RAD9B: variants seen among roughly 807,000 people sequenced by gnomAD.
RAD9B encodes RAD9 checkpoint clamp component B.
A neutral mutation model predicts 48.3 loss-of-function variants in RAD9B; 41 were observed. That is an observed-to-expected ratio of 0.85 (90% CI 0.66 to 1.10). The LOEUF (loss-of-function observed/expected upper bound fraction) is 1.10. Ranked by LOEUF, RAD9B falls within the 50% of genes least tolerant of loss-of-function variation. The probability of loss-of-function intolerance (pLI) is 0.00; values close to 1 mark genes in which losing one functional copy is unlikely to be tolerated. For missense variants in RAD9B, 444 were observed against 485.1 expected (o/e 0.92, Z 0.80); for synonymous variants, 160 against 157.9 (o/e 1.01, Z -0.10).
Position 110,531,702 on chromosome 12 carries a change from G to A in RAD9B, c.*1049G>A. The A allele has an allele frequency of 6.9e-7, 1 of 1,455,492 alleles. No individual in the cohort carries two copies. The highest frequency in any genetic ancestry group is 2.3e-5 in the East Asian group (1 of 43,818). The allele number at this position is 1,455,492 out of a possible 1,614,324, so 90.2% of individuals were successfully genotyped here. A position where few individuals can be genotyped will look rare whatever the true frequency, so the allele number is the denominator to read the frequency against. On this transcript the variant is annotated 3_prime_UTR_variant, in exon 11 of 11. Coordinates refer to ENST00000409300, the MANE Select transcript of RAD9B (RefSeq NM_001286535.2). ...AATAAGGTGGAAGACAAATGTCTCTGTTCTTTGGCCCTTTAAGAGTTAGCT... is the reference window on the plus strand; with the variant it reads ...AATAAGGTGGAAGACAAATGTCTCTATTCTTTGGCCCTTTAAGAGTTAGCT...
rs1237361030 is a variant in RAD9B, at chr12:110,531,647, C to T, written c.*994C>T. The stretch of plus-strand genomic sequence containing the variant: ...TTATCTGACATAGAACAGTATCCTC[C>T]ACTGCCAAGACAGCCTGAGTTTGGA... On this transcript the variant is annotated 3_prime_UTR_variant, in exon 11 of 11. Coordinates refer to ENST00000409300, the MANE Select transcript of RAD9B (RefSeq NM_001286535.2). The T allele has an allele frequency of 1.2e-5, 19 of 1,607,956 alleles. No homozygotes were observed. The highest frequency in any genetic ancestry group is 1.4e-5 in the Non-Finnish European group (17 of 1,178,052).
chr12:110,524,336 G>A (rs376341796), intron 10 of RAD9B, among the ~76,000 whole-genome samples: 1 of 152,142 alleles, frequency 6.6e-6, no homozygotes, highest in East Asian at 1.9e-4. Context: ...GCAGAGGCGG[G>A]CAGATCACGA....
At chr12:110,517,709 A>T (rs1276770677) in intron 6 of RAD9B, among the ~76,000 whole-genome samples, 2 of 151,008 alleles carry the variant, frequency 1.3e-5, no homozygotes, top group African/African-American at 4.9e-5. Context: ...TGTATCAGAG[A>T]GGTTTAATGA....
At chr12:110,511,303 T>TA in intron 4 of RAD9B, 1 of 183,592 alleles carries the variant, frequency 5.4e-6, no homozygotes, top group East Asian at 1.6e-4. Flanking sequence ...GCACCATTTA[T>TA]AATAGCAAAG....
At chr12:110,513,785 G>GTGAT (rs1423818744) in intron 5 of RAD9B, among the ~76,000 whole-genome samples, 3 of 151,202 alleles carry the variant, frequency 2.0e-5, no homozygotes, top group Non-Finnish European at 2.9e-5. Context: ...GTGCAGTGAT[G>GTGAT]TGATCTTGGC....
intron 8 of RAD9B, 21 bp from the exon 9 acceptor site, chr12:110,519,773 G>T (rs1479914354): frequency 6.3e-7 from 1 of 1,594,852 alleles, no homozygotes; most frequent in African/African-American, 1.4e-5. Flanking sequence ...TGTCACTGTT[G>T]CTCTGACTTG....
intron 9 of RAD9B, among the ~76,000 whole-genome samples, chr12:110,521,655 C>T (rs1190471173): frequency 6.7e-6 from 1 of 149,308 alleles, no homozygotes; most frequent in African/African-American, 2.5e-5. Context: ...CTCCTGGGTT[C>T]AAGCAGTTTT....
At chr12:110,502,472 T>A in intron 1 of RAD9B, 89 bp downstream of exon 1, 1 of 1,488,958 alleles carries the variant, frequency 6.7e-7, no homozygotes, top group Non-Finnish European at 9.2e-7. Context: ...TTTTCCTCTT[T>A]GCCTTTTTGC....
intron 6 of RAD9B, among the ~76,000 whole-genome samples, chr12:110,516,483 A>G (rs902955378): frequency 6.6e-6 from 1 of 152,142 alleles, no homozygotes; most frequent in Non-Finnish European, 1.5e-5. Context: ...GTTGGAGATG[A>G]ATGTATATTT....
chr12:110,525,237 C>T (rs752940657), intron 10 of RAD9B, among the ~76,000 whole-genome samples: 36 of 151,702 alleles, frequency 2.4e-4, no homozygotes, highest in Admixed American at 2.0e-3. Flanking sequence ...GTGATCCACT[C>T]GCCTTGGCCT....
chr12:110,515,830 G>A (rs2063587275), intron 6 of RAD9B, among the ~76,000 whole-genome samples: 1 of 152,156 alleles, frequency 6.6e-6, no homozygotes, highest in South Asian at 2.1e-4. Context: ...CATGACTTTT[G>A]TAGTGTTTGT....
At position 110,530,192 on chromosome 12, in the gene RAD9B, G is replaced by A. The variant is rs148995738; in HGVS notation, c.1126-333G>A. Among the ~76,000 whole-genome samples, 502 of 152,146 alleles carry A rather than the reference G, an allele frequency of 3.3e-3. 1 individual carries two copies. Among genetic ancestry groups the A allele is most frequent in the Middle Eastern group, 0.01 (3 of 294 alleles). Reference sequence around the variant, plus strand: ...CGAGTAGCTAGGACTACAGGTGTCCGCCACCACACCCAGCTAATTTTTTTT... The same window carrying A: ...CGAGTAGCTAGGACTACAGGTGTCCACCACCACACCCAGCTAATTTTTTTT... On this transcript the variant is annotated intron_variant, in intron 10 of 10. Coordinates refer to ENST00000409300, the MANE Select transcript of RAD9B (RefSeq NM_001286535.2).
chr12:110,511,372 T>G (rs1320452451), intron 4 of RAD9B: 1 of 365,632 alleles, frequency 2.7e-6, no homozygotes, highest in South Asian at 2.1e-5. Flanking sequence ...ATGTAGTATA[T>G]ATACACAATG....
chr12:110,509,429 C>T (rs189367201), intron 4 of RAD9B, among the ~76,000 whole-genome samples: 2 of 151,970 alleles, frequency 1.3e-5, no homozygotes, highest in Admixed American at 1.3e-4. Context: ...TTTTTTCACA[C>T]CTGGCTAATT....
chr12:110,522,307 T>A lies in RAD9B; in HGVS notation c.1021T>A (p.Cys341Ser). The change falls in exon 10 of 11, where the codon TGT becomes AGT. Residue 341 changes from cysteine to serine, a missense_variant. By Grantham distance (112) the Cys-to-Ser change is moderately radical. Coordinates refer to ENST00000409300, the MANE Select transcript of RAD9B (RefSeq NM_001286535.2). ...CACAAACATATCTGCATTGGAAAAC[T>A]GTGGCAGCCCTGCAATGAAAAGAGT... is the stretch of plus-strand genomic sequence containing the variant. Reference protein sequence around the residue: ...TLTNISALENCGSPAMKRVDG... With the variant: ...TLTNISALENSGSPAMKRVDG... 6.2e-7 allele frequency: 1 copy of A among 1,613,718 alleles called. No individual in the cohort carries two copies.
At chr12:110,507,828 T>G (rs943627251) in intron 4 of RAD9B, among the ~76,000 whole-genome samples, 3 of 151,418 alleles carry the variant, frequency 2.0e-5, no homozygotes, top group Non-Finnish European at 2.9e-5. Flanking sequence ...TTTTGTATTT[T>G]TAGTAGAGAT....
At chr12:110,527,398 T>C (rs1405923082) in intron 10 of RAD9B, among the ~76,000 whole-genome samples, 4 of 152,338 alleles carry the variant, frequency 2.6e-5, no homozygotes, top group Admixed American at 6.5e-5. Flanking sequence ...CAGAGGTTCA[T>C]GGGCTTAGTA....
chr12:110,522,030 A>C, intron 9 of RAD9B, 147 bp from the exon 10 acceptor site: 1 of 601,200 alleles, frequency 1.7e-6, no homozygotes, highest in Non-Finnish European at 2.9e-6. Context: ...ATATATATAA[A>C]TTTTAACTTG....
chr12:110,527,805 T>C (rs548585283), intron 10 of RAD9B, among the ~76,000 whole-genome samples: 1 of 152,340 alleles, frequency 6.6e-6, no homozygotes, highest in Admixed American at 6.5e-5. Context: ...TGGTATGTAC[T>C]GCCTTAATCC....
Sources: allele counts gnomAD v4.1 joint callset (sites outside exome capture counted in the v4.1 genomes callset), GRCh38; gene constraint gnomAD v4.1.1; transcripts MANE v1.5; gene names NCBI Gene and HGNC (gene_info 2026-07-23, HGNC 2026-07-21).